The following CLYBL variants were observed in gnomAD, a reference collection of about 807,000 sequenced individuals.
The protein encoded by CLYBL is citramalyl-CoA lyase, mitochondrial.
CLYBL carries 31 observed loss-of-function variants against 38.9 expected under a neutral mutation model. The observed-to-expected ratio is 0.80, with a 90% confidence interval of 0.60 to 1.08. CLYBL has a LOEUF of 1.08. CLYBL is among the 50% of genes least tolerant of loss of function. CLYBL has a pLI of 0.00. For missense variants in CLYBL, 434 were observed against 411.6 expected (o/e 1.05, Z -0.47); for synonymous variants, 171 against 158.6 (o/e 1.08, Z -0.59).
At chr13:99,817,654 C>CAAAAAAAA (rs1189248896) in intron 2 of CLYBL, among the ~76,000 whole-genome samples, 4 of 49,066 alleles carry the variant, frequency 8.2e-5, no homozygotes, top group Non-Finnish European at 1.2e-4. Flanking sequence ...GACTCTGTCT[C>CAAAAAAAA]AAAAAAAAAA....
At chr13:99,836,163 G>A (rs2050929636) in intron 2 of CLYBL, among the ~76,000 whole-genome samples, 2 of 152,180 alleles carry the variant, frequency 1.3e-5, no homozygotes, top group South Asian at 4.1e-4. Context: ...CCAGCCGTGA[G>A]TATGAGGGGG....
intron 1 of CLYBL, among the ~76,000 whole-genome samples, chr13:99,679,587 G>T (rs936925762): frequency 2.0e-5 from 3 of 152,096 alleles, no homozygotes; most frequent in Non-Finnish European, 4.4e-5. Flanking sequence ...TCCTCAGATG[G>T]TGATCTGAGT....
At chr13:99,819,890 C>T (rs1425595448) in intron 2 of CLYBL, among the ~76,000 whole-genome samples, 3 of 152,142 alleles carry the variant, frequency 2.0e-5, no homozygotes, top group Non-Finnish European at 2.9e-5. Flanking sequence ...CCAAAAACAC[C>T]CTCACAGGTA....
chr13:99,785,716 C>G (rs987174447), intron 2 of CLYBL, among the ~76,000 whole-genome samples: 9 of 151,968 alleles, frequency 5.9e-5, no homozygotes, highest in Non-Finnish European at 5.9e-5. Context: ...TTGCCTCAGC[C>G]TCTCCGGTAG....
chr13:99,853,091 T>G (rs1467480880), intron 2 of CLYBL, among the ~76,000 whole-genome samples: 1 of 150,218 alleles, frequency 6.7e-6, no homozygotes, highest in Non-Finnish European at 1.5e-5. Flanking sequence ...GACAAATGTA[T>G]AGGTTTGCAT....
intron 7 of CLYBL, chr13:99,877,801 T>C (rs934837933): frequency 4.3e-5 from 8 of 187,906 alleles, no homozygotes; most frequent in Middle Eastern, 5.0e-3. Context: ...CTCAAACTCC[T>C]GACCTCATGA....
At chr13:99,722,387 C>G (rs1488119211) in intron 1 of CLYBL, among the ~76,000 whole-genome samples, 1 of 151,698 alleles carries the variant, frequency 6.6e-6, no homozygotes, top group Admixed American at 6.6e-5. Flanking sequence ...TCTCTTTCCT[C>G]TTTCTATCAA....
chr13:99,804,076 T>G (rs1023215710), intron 2 of CLYBL, among the ~76,000 whole-genome samples: 1 of 152,188 alleles, frequency 6.6e-6, no homozygotes, highest in African/African-American at 2.4e-5. Context: ...TCTGTGCTGC[T>G]TCAGAGGGTG....
At chr13:99,706,373 AC>A (rs2048147214) in intron 1 of CLYBL, among the ~76,000 whole-genome samples, 1 of 151,880 alleles carries the variant, frequency 6.6e-6, no homozygotes, top group Non-Finnish European at 1.5e-5. Flanking sequence ...TCATTCTTCC[AC>A]CCTCCAGGAC....
chr13:99,620,758 C>T (rs1018729249), intron 1 of CLYBL, among the ~76,000 whole-genome samples: 3 of 149,140 alleles, frequency 2.0e-5, no homozygotes, highest in African/African-American at 7.4e-5. Context: ...GCCTGGGTGA[C>T]AGTGAGACTC....
intron 2 of CLYBL, among the ~76,000 whole-genome samples, chr13:99,775,309 C>G (rs148862816): frequency 1.3e-5 from 2 of 152,176 alleles, no homozygotes; most frequent in African/African-American, 4.8e-5. Flanking sequence ...CCATCCTTAT[C>G]TCCATAGTAG....
chr13:99,792,507 G>A (rs1163417847), intron 2 of CLYBL, among the ~76,000 whole-genome samples: 4 of 152,104 alleles, frequency 2.6e-5, no homozygotes, highest in Non-Finnish European at 4.4e-5. Context: ...TGCCTTCCTC[G>A]GTGAAACACA....
intron 2 of CLYBL, among the ~76,000 whole-genome samples, chr13:99,800,895 AAAAAAAAAAAAC>A (rs1566332418): frequency 9.3e-6 from 1 of 107,962 alleles, no homozygotes; most frequent in African/African-American, 4.4e-5. Flanking sequence ...CAACAACAAC[AAAAAAAAAAAAC>A]AAAAAAAAAA....
At position 99,866,380 on chromosome 13, in the gene CLYBL, C is replaced by T. The variant is rs41281112; in HGVS notation, c.775C>T (p.Arg259Ter). 42,670 of 1,613,646 alleles carry T rather than the reference C, an allele frequency of 0.026. 708 individuals are homozygous for T. Among genetic ancestry groups the T allele is most frequent in the East Asian group, 0.045 (2,013 of 44,884 alleles). ...RDGAGLLRQSREGAAMGFTGK... is the reference protein window; with the variant it reads ...RDGAGLLRQS Reference sequence around the variant, plus strand: ...TGGAGCTGGGCTGCTTAGACAGTCACGAGAAGGAGCCGCCATGGGCTTCAC... The same window carrying T: ...TGGAGCTGGGCTGCTTAGACAGTCATGAGAAGGAGCCGCCATGGGCTTCAC... The change falls in exon 6 of 9, where the codon CGA becomes TGA. Residue 259 changes from arginine to a stop codon, truncating the protein, a stop_gained. Coordinates refer to ENST00000339105, the MANE Select transcript of CLYBL (RefSeq NM_206808.5). LOFTEE classifies it high-confidence loss of function.
At chr13:99,876,396 G>T (rs1053872333) in intron 7 of CLYBL, among the ~76,000 whole-genome samples, 56 of 145,078 alleles carry the variant, frequency 3.9e-4, no homozygotes, top group African/African-American at 1.4e-3. Flanking sequence ...AATCCAGCCT[G>T]GGTGACAGAA....
At chr13:99,804,006 C>A (rs919315410) in intron 2 of CLYBL, among the ~76,000 whole-genome samples, 10 of 152,132 alleles carry the variant, frequency 6.6e-5, no homozygotes, top group African/African-American at 2.4e-4. Context: ...GATGTTAATA[C>A]TGAAGAAAGG....
At chr13:99,710,125 C>T (rs1424722432) in intron 1 of CLYBL, among the ~76,000 whole-genome samples, 2 of 151,958 alleles carry the variant, frequency 1.3e-5, no homozygotes, top group Non-Finnish European at 2.9e-5. Flanking sequence ...GGGGTTTCAC[C>T]GTGGTCTCGA....
intron 1 of CLYBL, among the ~76,000 whole-genome samples, chr13:99,748,496 G>A (rs1227639014): frequency 8.2e-6 from 1 of 122,100 alleles, no homozygotes; most frequent in African/African-American, 3.3e-5. Flanking sequence ...TTGGAGTGCT[G>A]TGGCACGATC....
At chr13:99,734,287 A>G (rs536680875) in intron 1 of CLYBL, among the ~76,000 whole-genome samples, 1 of 152,292 alleles carries the variant, frequency 6.6e-6, no homozygotes, top group African/African-American at 2.4e-5. Flanking sequence ...TATTTTAAAG[A>G]GAGGATGAAA....
Sources: gnomAD v4.1 joint callset for allele counts (sites outside exome capture counted in the v4.1 genomes callset) on GRCh38, gnomAD v4.1.1 for gene constraint, MANE v1.5 for transcripts, NCBI Gene and HGNC (gene_info 2026-07-23, HGNC 2026-07-21) for gene names.